Variants in CHD5 observed in about 807,000 individuals in gnomAD.
The protein encoded by CHD5 is chromodomain helicase DNA binding protein 5.
Under a neutral mutation model 230.3 loss-of-function variants are expected in CHD5, and 69 were observed. The observed-to-expected ratio is 0.30, with a 90% confidence interval of 0.25 to 0.37. CHD5 has a LOEUF of 0.37. Ranked by LOEUF, CHD5 falls within the 10% of genes least tolerant of loss-of-function variation. CHD5 has a pLI of 1.00. For missense variants in CHD5, 1,827 were observed against 2,622.8 expected (o/e 0.70, Z 6.63); for synonymous variants, 1,064 against 1,065.9 (o/e 1.00, Z 0.03).
chr1:6,129,146 A>C lies in CHD5; in HGVS notation c.3388-77T>G. The C allele has an allele frequency of 9.2e-6, 9 of 978,282 alleles. No individual in the cohort carries two copies. Among genetic ancestry groups the C allele is most frequent in the Non-Finnish European group, 1.3e-5 (8 of 639,612 alleles). The allele number at this position is 978,282 out of a possible 1,614,324, so 60.6% of individuals were successfully genotyped here. ...TGGAGGAGATCACACCCATGAGCTCAAGAGCATGGAATGGGCTGCATGACT... is the reference window on the plus strand; with the variant it reads ...TGGAGGAGATCACACCCATGAGCTCCAGAGCATGGAATGGGCTGCATGACT... On this transcript the variant is annotated intron_variant, in intron 22 of 41. Transcript: ENST00000262450. This position sits in a 1 kb window ranked among gnomAD's most constrained non-coding sequence, Gnocchi z 6.8.
chr1:6,166,914 G>A (rs1352019623), intron 2 of CHD5, among the ~76,000 whole-genome samples: 3 of 152,144 alleles, frequency 2.0e-5, no homozygotes, highest in Non-Finnish European at 4.4e-5. Flanking sequence ...ACCCGCAACA[G>A]GCCCTCCCGA....
rs572525201 is a variant in CHD5, at chr1:6,110,935, G to A, written c.5250-409C>T. On this transcript the variant is annotated intron_variant, in intron 36 of 41. Transcript: ENST00000262450. ...TCAATGACTGGGATGCTTGTAAGAA[G>A]AGGAAAATTTGGGGCCAGGCATGGT... 6.8e-4 allele frequency among the ~76,000 whole-genome samples: 103 copies of A among 152,312 alleles called. 1 individual carries two copies. The highest frequency in any genetic ancestry group is 2.5e-3 in the South Asian group (12 of 4,828).
In CHD5 at chr1:6,130,753, G is replaced by A. The variant is rs1015050851; in HGVS notation, c.3263-425C>T. Among the ~76,000 whole-genome samples the A allele has an allele frequency of 2.0e-5, 3 of 152,168 alleles. No individual in the cohort carries two copies. Among genetic ancestry groups the A allele is most frequent in the Admixed American group, 6.5e-5 (1 of 15,290 alleles). ...CGGGAAAACTCAGGGGCGCAGCTCC[G>A]GGACCTGGGGTCCCACCCCACTGGG... On this transcript the variant is annotated intron_variant, in intron 21 of 41. Transcript: ENST00000262450. The surrounding 1 kb of genome is among the most constrained non-coding windows in gnomAD (Gnocchi z 4.9).
At chr1:6,171,370 G>A (rs912543730) in intron 1 of CHD5, among the ~76,000 whole-genome samples, 3 of 152,164 alleles carry the variant, frequency 2.0e-5, no homozygotes, top group African/African-American at 4.8e-5. Flanking sequence ...ACCCACCTCT[G>A]AGAAGGCTCT....
intron 11 of CHD5, among the ~76,000 whole-genome samples, chr1:6,145,166 T>G (rs1401950102): frequency 6.6e-6 from 1 of 152,084 alleles, no homozygotes; most frequent in Non-Finnish European, 1.5e-5. Context: ...TCCGCGACCC[T>G]CGTACTGAAG....
At position 6,125,068 on chromosome 1, in the gene CHD5, T is replaced by C. The variant is rs749979499; in HGVS notation, c.4394+32A>G. 1.9e-5 allele frequency: 29 copies of C among 1,528,720 alleles called. No homozygotes were observed. The highest frequency in any genetic ancestry group is 1.7e-4 in the Middle Eastern group (1 of 5,870). 94.7% of individuals were successfully genotyped at this position (1,528,720 alleles called of 1,614,324 possible). A position where few individuals can be genotyped will look rare whatever the true frequency, so the allele number is the denominator to read the frequency against. ...CCCTGCCCTACTCAGGGGCAGGTGG[T>C]CACACCCTGGGCCACCACCTAGCCC... On this transcript the variant is annotated intron_variant, in intron 29 of 41. Coordinates refer to ENST00000262450, the MANE Select transcript of CHD5 (RefSeq NM_015557.3). This position sits in a 1 kb window ranked among gnomAD's most constrained non-coding sequence, Gnocchi z 6.7.
intron 1 of CHD5, among the ~76,000 whole-genome samples, chr1:6,177,674 C>T (rs1667446484): frequency 6.6e-6 from 1 of 152,162 alleles, no homozygotes; most frequent in African/African-American, 2.4e-5. Flanking sequence ...ACTGGAAGGC[C>T]CTTAGCAAGG....
Position 6,121,583 on chromosome 1 carries a change from C to T in CHD5, c.4700-10G>A. 1.2e-6 allele frequency: 2 copies of T among 1,608,176 alleles called. No individual in the cohort carries two copies. The highest frequency in any genetic ancestry group is 1.7e-6 in the Non-Finnish European group (2 of 1,176,230). On this transcript the variant is annotated splice_polypyrimidine_tract_variant and intron_variant, in intron 31 of 41. Coordinates refer to ENST00000262450, the MANE Select transcript of CHD5 (RefSeq NM_015557.3). This position sits in a 1 kb window ranked among gnomAD's most constrained non-coding sequence, Gnocchi z 4.5. ...TGGGCTTCCATTTTGTCTGAAAGATCAAGGGAAAGAGCTGAGACAGGTGGG... is the reference window on the plus strand; with the variant it reads ...TGGGCTTCCATTTTGTCTGAAAGATTAAGGGAAAGAGCTGAGACAGGTGGG...
At position 6,154,165 on chromosome 1, in the gene CHD5, T is replaced by C. The variant is rs546140356; in HGVS notation, c.745+495A>G. Among the ~76,000 whole-genome samples the C allele has an allele frequency of 1.3e-5, 2 of 152,270 alleles. 1 individual carries two copies. Among genetic ancestry groups the C allele is most frequent in the Admixed American group, 1.3e-4 (2 of 15,300 alleles). Reference sequence around the variant, plus strand: ...TAAAGCTGGAGGGGCAGGGCCTCCATGCTCCACATTGGCCGAGGGCCTGGA... The same window carrying C: ...TAAAGCTGGAGGGGCAGGGCCTCCACGCTCCACATTGGCCGAGGGCCTGGA... On this transcript the variant is annotated intron_variant, in intron 5 of 41. Transcript: ENST00000262450. This position sits in a 1 kb window ranked among gnomAD's most constrained non-coding sequence, Gnocchi z 7.0.
At chr1:6,145,107 G>A (rs939608095) in intron 11 of CHD5, among the ~76,000 whole-genome samples, 8 of 152,120 alleles carry the variant, frequency 5.3e-5, no homozygotes, top group African/African-American at 1.9e-4. Context: ...GGAGGCCTGG[G>A]GAGGAAAAGG....
chr1:6,179,071 G>A (rs114654750), intron 1 of CHD5, among the ~76,000 whole-genome samples: 2,185 of 152,364 alleles, frequency 0.014, 40 homozygotes, highest in African/African-American at 0.049. Context: ...CAAACAAATG[G>A]TGAGCAGTTA....
intron 1 of CHD5, among the ~76,000 whole-genome samples, chr1:6,168,851 T>A (rs2100882715): frequency 6.6e-6 from 1 of 152,114 alleles, no homozygotes; most frequent in Admixed American, 6.5e-5. Flanking sequence ...AAACCCCGTC[T>A]CTACTAAAAA....
Position 6,128,995 on chromosome 1 carries a change from C to T in CHD5, c.3462G>A (p.Val1154=). 6.2e-7 allele frequency: 1 copy of T among 1,612,054 alleles called. No homozygotes were observed. The highest frequency in any genetic ancestry group is 2.2e-5 in the East Asian group (1 of 44,884). The stretch of plus-strand genomic sequence containing the variant: ...TGGCCACCTGCGTGATGCGCTCCTC[C>T]ACCGAGGCCCGAGTCACGAAGCGGT... The part of the protein sequence containing the change: ...MIYRFVTRAS[V]EERITQVAKR... Residue 1154 remains valine, a synonymous_variant, in exon 23 of 42, where the codon GTG becomes GTA. Coordinates refer to ENST00000262450, the MANE Select transcript of CHD5 (RefSeq NM_015557.3). The surrounding 1 kb of genome is among the most constrained non-coding windows in gnomAD (Gnocchi z 7.8).
chr1:6,121,507 G>A lies in CHD5; in HGVS notation c.4766C>T (p.Pro1589Leu). The A allele has an allele frequency of 1.2e-6, 2 of 1,612,318 alleles. No individual in the cohort carries two copies. Among genetic ancestry groups the A allele is most frequent in the Non-Finnish European group, 1.7e-6 (2 of 1,179,244 alleles). ...CAAGTTCCACACCTGGACTTCCAGG[G>A]GCTGCCTTGGCTTCTGTGCCCCGGG... The part of the protein sequence containing the change: ...KDPGAQKPRQ[P>L]LEVQALPAAL... Residue 1589 changes from proline to leucine, a missense_variant, in exon 32 of 42, where the codon CCC becomes CTC. Physicochemically the swap from Pro to Leu is moderately conservative, Grantham distance 98. Transcript: ENST00000262450. This position sits in a 1 kb window ranked among gnomAD's most constrained non-coding sequence, Gnocchi z 4.5.
chr1:6,114,437 C>T (rs1161286972), intron 33 of CHD5, among the ~76,000 whole-genome samples: 1 of 152,014 alleles, frequency 6.6e-6, no homozygotes, highest in Non-Finnish European at 1.5e-5. Context: ...GAAGAAGAAC[C>T]GTCTTGGGCC....
Position 6,102,071 on chromosome 1 carries a change from G to C in CHD5, c.*3403C>G. On this transcript the variant is annotated 3_prime_UTR_variant, in exon 42 of 42. Transcript: ENST00000262450. ...AAGGGGTCGGCCCCCTCTTAGCTGG[G>C]CCTGGGCCGGTGGAGTCTGCTCCCT... 1 of 391,184 alleles carries C rather than the reference G, an allele frequency of 2.6e-6. No homozygotes were observed. Among genetic ancestry groups the C allele is most frequent in the South Asian group, 1.8e-5 (1 of 55,446 alleles). The allele number at this position is 391,184 out of a possible 1,614,324, so 24.2% of individuals were successfully genotyped here.
intron 13 of CHD5, among the ~76,000 whole-genome samples, chr1:6,143,445 G>A (rs942857789): frequency 7.2e-5 from 11 of 152,138 alleles, no homozygotes; most frequent in African/African-American, 2.7e-4. Flanking sequence ...CCCAGGCCAG[G>A]CCCTCCGTGT....
chr1:6,111,812 G>A lies in CHD5; in HGVS notation c.5212C>T (p.Arg1738Trp), dbSNP rs1463998531. 2.5e-6 allele frequency: 4 copies of A among 1,613,502 alleles called. No homozygotes were observed. Among genetic ancestry groups the A allele is most frequent in the African/African-American group, 1.3e-5 (1 of 75,028 alleles). The change falls in exon 36 of 42, where the codon CGG becomes TGG. Residue 1738 changes from arginine (R) to tryptophan (W), a missense_variant. Transcript: ENST00000262450. Reference protein sequence around the residue: ...SSGKIYDIWHRRHDYWLLAGI... With the variant: ...SSGKIYDIWHWRHDYWLLAGI... Reference sequence around the variant, plus strand: ...GCCAGCAGCCAGTAGTCATGGCGCCGGTGCCAGATGTCGTAGATTTTCCCA... The same window carrying A: ...GCCAGCAGCCAGTAGTCATGGCGCCAGTGCCAGATGTCGTAGATTTTCCCA...
Position 6,106,460 on chromosome 1 carries a change from A to C in CHD5, c.5792T>G (p.Phe1931Cys), listed in dbSNP as rs745492594. The C allele has an allele frequency of 1.3e-6, 2 of 1,562,022 alleles. No homozygotes were observed. The highest frequency in any genetic ancestry group is 4.8e-5 in the East Asian group (2 of 41,604). ...AATCCCTCCCGGTCCAGGGCCCCGG[A>C]AGTTGGGCCCAAAGTTGTTGCTGTA... ...QMYSNNFGPN[F>C]RGPGPGGIVN... Residue 1931 changes from phenylalanine to cysteine, a missense_variant, in exon 40 of 42, where the codon TTC becomes TGC. This residue lies in a region of CHD5 where 208 missense variants were observed against 302.0 expected (regional missense o/e 0.69). Transcript: ENST00000262450.
Sources: gnomAD v4.1 joint callset for allele counts (sites outside exome capture counted in the v4.1 genomes callset) on GRCh38, gnomAD v4.1.1 for gene constraint, gnomAD v4.1.1 regional missense constraint, Gnocchi (gnomAD v3.1) non-coding constraint, MANE v1.5 for transcripts, NCBI Gene and HGNC (gene_info 2026-07-23, HGNC 2026-07-21) for gene names.